CPED1: variants seen among roughly 807,000 people sequenced by gnomAD.
The protein encoded by CPED1 is cadherin like and PC-esterase domain containing 1, also known as cadherin-like and PC-esterase domain-containing protein 1.
CPED1 carries 114 observed loss-of-function variants against 128.2 expected under a neutral mutation model. The ratio of observed to expected loss-of-function variants is 0.89; its 90% confidence interval spans 0.76 to 1.04. The LOEUF is 1.04. Among genes scored for constraint, CPED1 ranks in the 50% least tolerant of loss-of-function variants. The pLI is 0.00. For synonymous variants in CPED1, 462 were observed against 426.7 expected (o/e 1.08, Z -1.02); for missense variants, 1,211 against 1,207.1 (o/e 1.00, Z -0.05).
chr7:121,289,657 A>G (rs1792651803), intron 22 of CPED1, among the ~76,000 whole-genome samples: 1 of 152,224 alleles, frequency 6.6e-6, no homozygotes, highest in Non-Finnish European at 1.5e-5. Flanking sequence ...ATTGTTATAT[A>G]GAACTCAAAA....
intron 5 of CPED1, among the ~76,000 whole-genome samples, chr7:121,081,986 C>T (rs1563018542): frequency 1.3e-5 from 2 of 152,110 alleles, no homozygotes; most frequent in Non-Finnish European, 2.9e-5. Context: ...TTCTGAGCAT[C>T]TATGAGAATG....
intron 18 of CPED1, among the ~76,000 whole-genome samples, chr7:121,265,053 ATGAGACC>A (rs1221140454): frequency 6.6e-6 from 1 of 152,068 alleles, no homozygotes; most frequent in East Asian, 1.9e-4. Flanking sequence ...GGGGCACTGG[ATGAGACC>A]TGTTGGTAGA....
At chr7:121,038,076 T>A (rs1450111976) in intron 3 of CPED1, among the ~76,000 whole-genome samples, 1 of 152,158 alleles carries the variant, frequency 6.6e-6, no homozygotes, top group Admixed American at 6.6e-5. Context: ...AATCATATCA[T>A]CAGCAAGCAG....
At chr7:121,262,470 C>T (rs185603885) in intron 18 of CPED1, among the ~76,000 whole-genome samples, 1 of 152,160 alleles carries the variant, frequency 6.6e-6, no homozygotes, top group Non-Finnish European at 1.5e-5. Flanking sequence ...TGTGGTAGCT[C>T]ACACTGCATG....
At chr7:121,087,600 G>A (rs1794457918) in intron 5 of CPED1, among the ~76,000 whole-genome samples, 1 of 151,174 alleles carries the variant, frequency 6.6e-6, no homozygotes, top group Admixed American at 6.6e-5. Flanking sequence ...CCACTATCTG[G>A]GTCTGCACAG....
intron 16 of CPED1, among the ~76,000 whole-genome samples, chr7:121,176,446 G>GA (rs369213938): frequency 1.5e-3 from 226 of 150,044 alleles, no homozygotes; most frequent in African/African-American, 4.7e-3. Flanking sequence ...TTGTAATACT[G>GA]AAAAAAAACA....
chr7:121,077,879 T>C (rs1328123564), intron 5 of CPED1, among the ~76,000 whole-genome samples: 2 of 152,042 alleles, frequency 1.3e-5, no homozygotes, highest in Admixed American at 1.3e-4. Context: ...AAATTATTAT[T>C]TTTAAAGTGT....
Position 121,233,989 on chromosome 7 carries a change from G to C in CPED1, c.2056-2725G>C, listed in dbSNP as rs574580585. 1.1e-3 allele frequency among the ~76,000 whole-genome samples: 164 copies of C among 152,184 alleles called. 1 individual carries two copies. The highest frequency in any genetic ancestry group is 3.6e-3 in the African/African-American group (150 of 41,552). On this transcript the variant is annotated intron_variant, in intron 16 of 22. Coordinates refer to ENST00000310396, the MANE Select transcript of CPED1 (RefSeq NM_024913.5). ...ATTCTAAGCAGAAAGAGGAAACAGAGTGATCAAGAAAAAGTGGCATCAGGA... is the reference window on the plus strand; with the variant it reads ...ATTCTAAGCAGAAAGAGGAAACAGACTGATCAAGAAAAAGTGGCATCAGGA...
At chr7:121,256,141 A>AAC (rs1791866950) in intron 18 of CPED1, among the ~76,000 whole-genome samples, 2 of 143,492 alleles carry the variant, frequency 1.4e-5, no homozygotes, top group African/African-American at 5.3e-5. Flanking sequence ...AAAAAAAAAA[A>AAC]CAAAGCTTAT....
At chr7:121,106,898 T>C (rs990217051) in intron 7 of CPED1, among the ~76,000 whole-genome samples, 1 of 152,092 alleles carries the variant, frequency 6.6e-6, no homozygotes, top group Non-Finnish European at 1.5e-5. Flanking sequence ...CGATAACAAG[T>C]TTATAAAATA....
At chr7:121,214,407 C>T (rs1033909746) in intron 16 of CPED1, among the ~76,000 whole-genome samples, 5 of 152,020 alleles carry the variant, frequency 3.3e-5, no homozygotes, top group Non-Finnish European at 7.4e-5. Flanking sequence ...ATTCTCGTGC[C>T]TTAGCCTCTG....
At chr7:121,236,891 T>C in intron 17 of CPED1, 60 bp downstream of exon 17, 1 of 816,076 alleles carries the variant, frequency 1.2e-6, no homozygotes, top group East Asian at 2.7e-5. Flanking sequence ...TAGATAAGTG[T>C]ATGCTTATTT....
chr7:121,126,132 A>G (rs1393086486), intron 9 of CPED1, among the ~76,000 whole-genome samples: 1 of 152,226 alleles, frequency 6.6e-6, no homozygotes, highest in Non-Finnish European at 1.5e-5. Flanking sequence ...TTCAAGTACT[A>G]TTTGTGAAAT....
chr7:121,177,623 C>T (rs1796813260), intron 16 of CPED1, among the ~76,000 whole-genome samples: 1 of 152,036 alleles, frequency 6.6e-6, no homozygotes, highest in African/African-American at 2.4e-5. Context: ...TAAAGAGTTA[C>T]ACACATATAA....
chr7:121,116,307 A>C (rs116010426), intron 7 of CPED1, among the ~76,000 whole-genome samples: 2,913 of 152,330 alleles, frequency 0.019, 95 homozygotes, highest in African/African-American at 0.066. Context: ...AGGAATGAGT[A>C]AAAGTATCCT....
intron 6 of CPED1, among the ~76,000 whole-genome samples, chr7:121,098,534 C>T (rs184368057): frequency 5.9e-5 from 9 of 151,544 alleles, no homozygotes; most frequent in Admixed American, 2.0e-4. Context: ...TAGTTCAAGA[C>T]CAGCCTGAGC....
intron 22 of CPED1, among the ~76,000 whole-genome samples, chr7:121,289,709 G>A (rs567028832): frequency 6.6e-6 from 1 of 152,042 alleles, no homozygotes; most frequent in Non-Finnish European, 1.5e-5. Context: ...ACTTTCATTA[G>A]TCATTGATAA....
chr7:121,153,155 A>C (rs1363413910), intron 16 of CPED1, among the ~76,000 whole-genome samples: 1 of 152,198 alleles, frequency 6.6e-6, no homozygotes, highest in African/African-American at 2.4e-5. Flanking sequence ...CAAAGGATAA[A>C]GATATTACCT....
chr7:121,148,049 G>C (rs1016142390), intron 16 of CPED1, among the ~76,000 whole-genome samples: 3 of 152,074 alleles, frequency 2.0e-5, no homozygotes, highest in African/African-American at 7.2e-5. Context: ...AATGAGAATA[G>C]GGAGTGCATT....
Sources: allele counts gnomAD v4.1 joint callset (sites outside exome capture counted in the v4.1 genomes callset), GRCh38; gene constraint gnomAD v4.1.1; transcripts MANE v1.5; gene names NCBI Gene and HGNC (gene_info 2026-07-23, HGNC 2026-07-21).